DIPK2B: variants seen among roughly 807,000 people sequenced by gnomAD.
DIPK2B encodes the protein divergent protein kinase domain 2B.
DIPK2B carries 15 observed loss-of-function variants against 22.2 expected under a neutral mutation model. The ratio of observed to expected loss-of-function variants is 0.68; its 90% CI spans 0.45 to 1.04. The LOEUF (loss-of-function observed/expected upper bound fraction) is 1.04. Among genes scored for constraint, DIPK2B ranks in the 50% least tolerant of loss-of-function variants. The probability of loss-of-function intolerance (pLI) is 0.00; values close to 1 mark genes in which losing one functional copy is unlikely to be tolerated. For missense variants in DIPK2B, 345 were observed against 348.3 expected (o/e 0.99, Z 0.08); for synonymous variants, 163 against 153.2 (o/e 1.06, Z -0.47).
At chrX:45,196,878 G>A (rs373016053) in intron 1 of DIPK2B, among the ~76,000 whole-genome samples, 2 of 111,960 alleles carry the variant, frequency 1.8e-5, no homozygotes, top group East Asian at 5.6e-4. Flanking sequence ...AAGTCAACAT[G>A]GAATGCATGG....
At position 45,191,862 on chromosome X, in the gene DIPK2B, G is replaced by T. The variant is rs2047213032; in HGVS notation, c.387C>A (p.Ile129=). Residue 129 remains isoleucine (I), a synonymous_variant, in exon 2 of 5, where the codon ATC becomes ATA. Coordinates refer to ENST00000398000, the MANE Select transcript of DIPK2B (RefSeq NM_176819.4). The stretch of plus-strand genomic sequence containing the variant: ...TCTTTGGGGCTGATGCAGAGGCACA[G>T]ATTCTCCTGTCTGAGATCTCGTTTT... ...KYQNEISDRR[I]CASASAPKTC... The T allele has an allele frequency of 1.6e-6, 2 of 1,212,142 alleles. No individual in the cohort carries two copies.
At chrX:45,158,858 C>T (rs979589168) in intron 2 of DIPK2B, among the ~76,000 whole-genome samples, 1 of 112,049 alleles carries the variant, frequency 8.9e-6, no homozygotes, top group Non-Finnish European at 1.9e-5. Context: ...CTCAGGCCCT[C>T]CACGAAGTAG....
rs1409938403 is a variant in DIPK2B at position 45,152,066 on chromosome X, T to C, written c.962-74A>G. On this transcript the variant is annotated intron_variant, in intron 4 of 4. Transcript: ENST00000398000. ...GAGGGAGGGCACCACTAATTAGAAT[T>C]CCTGGGTGGGGCCGGGCGCGGTGGC... 3 of 996,916 alleles carry C rather than the reference T, an allele frequency of 3.0e-6. No individual in the cohort carries two copies. The African/African-American group carries it at 5.8e-5, about 19-fold the overall frequency. 82.2% of individuals were successfully genotyped at this position (996,916 alleles called of 1,213,427 possible). A position where few individuals can be genotyped will look rare whatever the true frequency, so the allele number is the denominator to read the frequency against.
At chrX:45,175,859 G>A (rs1364460930) in intron 2 of DIPK2B, among the ~76,000 whole-genome samples, 5 of 107,277 alleles carry the variant, frequency 4.7e-5, no homozygotes, top group African/African-American at 1.4e-4. Context: ...GAGGGTAGCA[G>A]GTGGCCAGGT....
chrX:45,180,456 T>C (rs887902332), intron 2 of DIPK2B, among the ~76,000 whole-genome samples: 13 of 111,588 alleles, frequency 1.2e-4, no homozygotes, highest in African/African-American at 4.2e-4. Flanking sequence ...TATGCTACTA[T>C]CACCACTCTT....
intron 2 of DIPK2B, chrX:45,163,487 G>C: frequency 2.7e-6 from 2 of 754,084 alleles, no homozygotes; most frequent in Non-Finnish European, 3.1e-6. Context: ...TCTGAATAGA[G>C]GAGAAGTAGC....
chrX:45,168,968 C>A (rs1313896100), intron 2 of DIPK2B, among the ~76,000 whole-genome samples: 1 of 112,077 alleles, frequency 8.9e-6, no homozygotes, highest in Non-Finnish European at 1.9e-5. Flanking sequence ...ATGGCATGAC[C>A]TGAGGCAAGT....
intron 2 of DIPK2B, among the ~76,000 whole-genome samples, chrX:45,160,623 G>A (rs749940114): frequency 8.9e-6 from 1 of 111,800 alleles, no homozygotes; most frequent in African/African-American, 3.2e-5. Flanking sequence ...TTATGCAGAG[G>A]GAACAGTATA....
chrX:45,154,325 A>ATCTG, intron 3 of DIPK2B, 127 bp from the exon 4 acceptor site: 1 of 535,314 alleles, frequency 1.9e-6, no homozygotes, highest in South Asian at 3.6e-5. Flanking sequence ...CTATCTGTCT[A>ATCTG]TCTATATCAA....
chrX:45,175,697 A>ATACATATATGTGTGTATATG (rs2047114042), intron 2 of DIPK2B, among the ~76,000 whole-genome samples: 1 of 101,879 alleles, frequency 9.8e-6, no homozygotes, highest in Non-Finnish European at 2.0e-5. Context: ...TAAAGTATAC[A>ATACATATATGTGTGTATATG]TACATATATG....
chrX:45,157,943 TGTG>T (rs1292787750), intron 2 of DIPK2B, 55 bp from the exon 3 acceptor site: 2 of 586,974 alleles, frequency 3.4e-6, no homozygotes, highest in African/African-American at 6.2e-5. Flanking sequence ...GCTAAGCTCT[TGTG>T]GGGGGTTAGC....
chrX:45,175,629 A>G (rs7883803), intron 2 of DIPK2B, among the ~76,000 whole-genome samples: 152 of 90,733 alleles, frequency 1.7e-3, no homozygotes, highest in South Asian at 1.1e-3. Flanking sequence ...ATATATATAT[A>G]TGTGTGTATA....
In DIPK2B at chrX:45,191,813, G is replaced by T. The variant is rs762465600; in HGVS notation, c.436C>A (p.Arg146=). 8.3e-7 allele frequency: 1 copy of T among 1,211,873 alleles called. No individual in the cohort carries two copies. The highest frequency in any genetic ancestry group is 3.0e-5 in the East Asian group (1 of 33,859). The stretch of plus-strand genomic sequence containing the variant: ...CATTTCTGGAACCTCTCTGTTTTCC[G>T]CAGGACACGCTCAATGCTGCAGGTC... ...PKTCSIERVL[R]KTERFQKWLQ... The change falls in exon 2 of 5, where the codon CGG becomes AGG. Residue 146 remains arginine (R), a synonymous_variant. Transcript: ENST00000398000.
At chrX:45,172,751 C>T (rs950664634) in intron 2 of DIPK2B, among the ~76,000 whole-genome samples, 1 of 111,951 alleles carries the variant, frequency 8.9e-6, no homozygotes, top group Non-Finnish European at 1.9e-5. Context: ...TCTGTCATTT[C>T]GATTCAGGTG....
intron 1 of DIPK2B, among the ~76,000 whole-genome samples, chrX:45,197,061 C>T (rs2047242429): frequency 8.9e-6 from 1 of 111,995 alleles, no homozygotes; most frequent in Non-Finnish European, 1.9e-5. Flanking sequence ...GGATACCCAT[C>T]TACGATTTGT....
chrX:45,191,671 A>T lies in DIPK2B; in HGVS notation c.498+80T>A, dbSNP rs1268670264. On this transcript the variant is annotated intron_variant, in intron 2 of 4. Transcript: ENST00000398000. ...ACAGCTTCTCCTTTTTCTCAAACTG[A>T]GATATGAGATGGGAATGAATCTCTC... 2.8e-6 allele frequency: 3 copies of T among 1,062,719 alleles called. No homozygotes were observed. The African/African-American group carries it at 5.6e-5, about 20-fold the overall frequency. 87.6% of individuals were successfully genotyped at this position (1,062,719 alleles called of 1,213,427 possible).
intron 1 of DIPK2B, among the ~76,000 whole-genome samples, chrX:45,193,955 A>T (rs893697801): frequency 1.8e-5 from 2 of 108,566 alleles, no homozygotes; most frequent in East Asian, 6.0e-4. Flanking sequence ...CTGGAGCTGG[A>T]AAGTTATCAC....
intron 2 of DIPK2B, chrX:45,163,324 G>A: frequency 1.6e-6 from 1 of 612,281 alleles, no homozygotes; most frequent in Non-Finnish European, 2.0e-6. Flanking sequence ...AAATAAATCT[G>A]GACATGTATA....
chrX:45,163,891 A>AG (rs2047034463), intron 2 of DIPK2B: 1 of 873,385 alleles, frequency 1.1e-6, no homozygotes, highest in Admixed American at 6.4e-5. Flanking sequence ...AGTAGATCAC[A>AG]GGGGGATCAC....
Sources: allele counts gnomAD v4.1 joint callset (sites outside exome capture counted in the v4.1 genomes callset), GRCh38; gene constraint gnomAD v4.1.1; transcripts MANE v1.5; gene names NCBI Gene and HGNC (gene_info 2026-07-23, HGNC 2026-07-21).